Variants in SLC5A4 observed in about 807,000 individuals in gnomAD.
SLC5A4 encodes the protein solute carrier family 5 member 4, also known as probable glucose sensor protein SLC5A4.
Under a neutral mutation model 70.3 loss-of-function variants are expected in SLC5A4, and 55 were observed. The ratio of observed to expected loss-of-function variants is 0.78; its 90% confidence interval spans 0.63 to 0.98. The LOEUF (loss-of-function observed/expected upper bound fraction) is 0.98. SLC5A4 is among the 50% of genes least tolerant of loss of function. The probability of loss-of-function intolerance (pLI) is 0.00; values close to 1 mark genes in which losing one functional copy is unlikely to be tolerated. For missense variants in SLC5A4, 735 were observed against 839.2 expected, an observed-to-expected ratio of 0.88 and a Z score of 1.53; for synonymous variants, 268 against 305.7, an observed-to-expected ratio of 0.88 and a Z score of 1.29.
the SLC5A4 span, among the ~76,000 whole-genome samples, chr22:32,336,023 A>T: frequency 2.6e-5 from 4 of 152,198 alleles, no homozygotes; most frequent in Non-Finnish European, 5.9e-5. Flanking sequence ...CCAGGGGTGA[A>T]ATAGTGGGTG....
chr22:32,331,372 C>T, the SLC5A4 span, among the ~76,000 whole-genome samples: 4 of 152,032 alleles, frequency 2.6e-5, no homozygotes, highest in Non-Finnish European at 4.4e-5. Context: ...GGCGAGATGG[C>T]GGCACGGGGG....
the SLC5A4 span, among the ~76,000 whole-genome samples, chr22:32,331,023 G>T: frequency 3.6e-5 from 5 of 140,004 alleles, no homozygotes; most frequent in Admixed American, 1.4e-4. Context: ...TCTGGTGTGT[G>T]TGTGTGTTGG....
the SLC5A4 span, among the ~76,000 whole-genome samples, chr22:32,262,575 T>C: frequency 6.6e-6 from 1 of 152,190 alleles, no homozygotes; most frequent in Non-Finnish European, 1.5e-5. Flanking sequence ...TGATTATTGA[T>C]TCAGTCTTCT....
chr22:32,306,176 T>C, the SLC5A4 span, among the ~76,000 whole-genome samples: 1 of 152,280 alleles, frequency 6.6e-6, no homozygotes, highest in African/African-American at 2.4e-5. Context: ...TAAAAATTAC[T>C]GTATATAGGC....
chr22:32,323,559 G>T, the SLC5A4 span, among the ~76,000 whole-genome samples: 1 of 152,206 alleles, frequency 6.6e-6, no homozygotes, highest in Non-Finnish European at 1.5e-5. Context: ...TCTGGCCTTG[G>T]AGACCCTGTC....
At chr22:32,318,915 A>G in the SLC5A4 span, among the ~76,000 whole-genome samples, 5 of 152,072 alleles carry the variant, frequency 3.3e-5, no homozygotes, top group Non-Finnish European at 7.3e-5. Flanking sequence ...GGGTGCCCTG[A>G]TATTTGGTGG....
At chr22:32,305,302 C>CCTTGCCTA in the SLC5A4 span, among the ~76,000 whole-genome samples, 7 of 150,126 alleles carry the variant, frequency 4.7e-5, no homozygotes, top group Admixed American at 1.4e-4. Context: ...CTGACTGCTC[C>CCTTGCCTA]CGGGCTTGTA....
the SLC5A4 span, among the ~76,000 whole-genome samples, chr22:32,292,864 A>G: frequency 6.6e-6 from 1 of 152,262 alleles, no homozygotes; most frequent in East Asian, 1.9e-4. Flanking sequence ...TTGTAGAGAG[A>G]GGTAGGTTAA....
the SLC5A4 span, among the ~76,000 whole-genome samples, chr22:32,304,060 TTTTCA>T: frequency 6.6e-6 from 1 of 152,212 alleles, no homozygotes; most frequent in South Asian, 2.1e-4. Context: ...ATGGAGCATC[TTTTCA>T]GATGCTTATT....
At chr22:32,258,248 T>C (rs1478988042), upstream of SLC5A4, among the ~76,000 whole-genome samples, 3 of 152,214 alleles carry the variant, frequency 2.0e-5, no homozygotes, top group Non-Finnish European at 2.9e-5. Context: ...AGAGATGATC[T>C]TACTTCTTTT....
intron 9 of SLC5A4, 70 bp from the exon 10 acceptor site, chr22:32,231,145 G>T: frequency 1.1e-6 from 1 of 890,058 alleles, no homozygotes. Context: ...TAAACAAAGA[G>T]AAAAGTTGAA....
chr22:32,220,365 C>A (rs756718187), intron 14 of SLC5A4, among the ~76,000 whole-genome samples: 4 of 152,100 alleles, frequency 2.6e-5, no homozygotes, highest in Admixed American at 6.5e-5. Context: ...AAGTGCTAAA[C>A]CTTATCTGAG....
At chr22:32,340,755 G>A in the SLC5A4 span, among the ~76,000 whole-genome samples, 1 of 152,186 alleles carries the variant, frequency 6.6e-6, no homozygotes, top group Non-Finnish European at 1.5e-5. Flanking sequence ...TGAGGACAGA[G>A]GGACAGTGGG....
chr22:32,279,391 T>C, the SLC5A4 span, among the ~76,000 whole-genome samples: 1 of 152,222 alleles, frequency 6.6e-6, no homozygotes, highest in Non-Finnish European at 1.5e-5. Context: ...GAAAGAAGTA[T>C]GCTGAATAAT....
In SLC5A4 at chr22:32,218,717, C is replaced by T. The variant is rs1168305863; in HGVS notation, c.1777G>A (p.Glu593Lys). 6.2e-7 allele frequency: 1 copy of T among 1,613,482 alleles called. No individual in the cohort carries two copies. Among genetic ancestry groups the T allele is most frequent in the South Asian group, 1.1e-5 (1 of 91,036 alleles). ...TDDGVEEDYP[E>K]KSRGCLKKAY... ...TTCTTGAGGCATCCACGTGATTTCT[C>T]AGGATAATCTGGAACAAAGATAAGC... The change falls in exon 15 of 15, where the codon GAG becomes AAG. Residue 593 changes from glutamate to lysine, a missense_variant. Glu to Lys is a moderately conservative substitution (Grantham distance 56). Transcript: ENST00000266086.
the SLC5A4 span, among the ~76,000 whole-genome samples, chr22:32,329,821 G>A: frequency 1.6e-5 from 1 of 61,954 alleles, no homozygotes; most frequent in Non-Finnish European, 2.9e-5. Context: ...GCTCTGGTGT[G>A]TGTGTTGGGG....
intron 9 of SLC5A4, among the ~76,000 whole-genome samples, chr22:32,231,619 G>A (rs1925768508): frequency 6.6e-6 from 1 of 152,228 alleles, no homozygotes; most frequent in Non-Finnish European, 1.5e-5. Flanking sequence ...CAGACAGGGA[G>A]AATTGATAAA....
chr22:32,340,786 G>A, the SLC5A4 span, among the ~76,000 whole-genome samples: 25 of 152,174 alleles, frequency 1.6e-4, no homozygotes, highest in African/African-American at 6.0e-4. Context: ...GTCAGATCAT[G>A]TTGTTGGCCA....
At chr22:32,284,227 G>A in the SLC5A4 span, among the ~76,000 whole-genome samples, 1 of 152,174 alleles carries the variant, frequency 6.6e-6, no homozygotes, top group Admixed American at 6.5e-5. Flanking sequence ...AACACGTTTT[G>A]GCATTTAAGC....
Sources: gnomAD v4.1 joint callset for allele counts (sites outside exome capture counted in the v4.1 genomes callset) on GRCh38, gnomAD v4.1.1 for gene constraint, MANE v1.5 for transcripts, NCBI Gene and HGNC (gene_info 2026-07-23, HGNC 2026-07-21) for gene names.